The following TPTE2 variants were observed in gnomAD, a reference collection of about 807,000 sequenced individuals.
The protein encoded by TPTE2 is phosphatidylinositol 3,4,5-trisphosphate 3-phosphatase TPTE2.
Under a neutral mutation model 78.6 loss-of-function variants are expected in TPTE2, and 53 were observed. The observed-to-expected ratio is 0.67, with a 90% CI of 0.54 to 0.85. The LOEUF (loss-of-function observed/expected upper bound fraction) is 0.85, where lower values mean the gene tolerates loss of function less well. Ranked by LOEUF, TPTE2 falls within the 40% of genes least tolerant of loss-of-function variation. The probability of loss-of-function intolerance (pLI) is 0.00; values close to 1 mark genes in which losing one functional copy is unlikely to be tolerated. For synonymous variants in TPTE2, 175 were observed against 206.2 expected (o/e 0.85, Z 1.30); for missense variants, 461 against 623.0 (o/e 0.74, Z 2.77).
chr13:19,532,029 T>C (rs1187794258), intron 1 of TPTE2, among the ~76,000 whole-genome samples: 1 of 152,180 alleles, frequency 6.6e-6, no homozygotes, highest in Non-Finnish European at 1.5e-5. Context: ...GTATGGCATA[T>C]GGAGGCCAAA....
At chr13:19,471,038 T>A (rs1879581739) in intron 6 of TPTE2, among the ~76,000 whole-genome samples, 1 of 152,014 alleles carries the variant, frequency 6.6e-6, no homozygotes, top group Non-Finnish European at 1.5e-5. Flanking sequence ...GCCTCCTGAG[T>A]AGCTGGGACT....
chr13:19,453,007 TTTATG>T (rs754560800), intron 10 of TPTE2, among the ~76,000 whole-genome samples: 70,068 of 101,580 alleles, frequency 0.69, 20,959 homozygotes, highest in Non-Finnish European at 0.75. Flanking sequence ...TTTATTTTAT[TTTATG>T]TTATTTTATG....
chr13:19,459,691 G>T (rs1429272497), intron 10 of TPTE2, among the ~76,000 whole-genome samples: 4 of 152,248 alleles, frequency 2.6e-5, no homozygotes, highest in Admixed American at 2.6e-4. Flanking sequence ...TGCTGCAGTG[G>T]TTAAAGCCCC....
In TPTE2 at chr13:19,479,336, A is replaced by C. The variant is rs1323684246; in HGVS notation, c.179+3152T>G. Among the ~76,000 whole-genome samples the C allele has an allele frequency of 6.6e-5, 10 of 152,134 alleles. No homozygotes were observed. The East Asian group carries it at 1.7e-3, about 26-fold the overall frequency. ...TGCATTTCTTATCTTTCACAGGTAC[A>C]TCTCGATATTGATGGAAAAAATGGT... On this transcript the variant is annotated intron_variant, in intron 4 of 19. Coordinates refer to ENST00000400230, the Ensembl canonical transcript of TPTE2.
chr13:19,560,216 C>A, the TPTE2 span: 1 of 812,084 alleles, frequency 1.2e-6, no homozygotes, highest in South Asian at 1.6e-5. Flanking sequence ...AGCAGGGCCT[C>A]GTGCGGAGCT....
At chr13:19,459,607 G>C (rs1031849906) in intron 10 of TPTE2, among the ~76,000 whole-genome samples, 1 of 152,154 alleles carries the variant, frequency 6.6e-6, no homozygotes, top group East Asian at 1.9e-4. Context: ...TGACCAAACT[G>C]CAGAGATGGC....
In TPTE2 at chr13:19,527,278, A is replaced by G. The variant is rs1157388163; in HGVS notation, c.-44+9318T>C. On this transcript the variant is annotated intron_variant, in intron 1 of 17. Coordinates refer to the TPTE2 transcript ENST00000390680. ...GGGTGACTACAGTTAACAAAAATGTATTGTGTATTTCAAAATAGCTCTAAA... is the reference window on the plus strand; with the variant it reads ...GGGTGACTACAGTTAACAAAAATGTGTTGTGTATTTCAAAATAGCTCTAAA... Among the ~76,000 whole-genome samples, 3 of 152,322 alleles carry G rather than the reference A, an allele frequency of 2.0e-5. 1 individual carries two copies. The highest frequency in any genetic ancestry group is 1.9e-4 in the East Asian group (1 of 5,184).
At chr13:19,520,066 A>G (rs911815320) in intron 1 of TPTE2, among the ~76,000 whole-genome samples, 1 of 152,124 alleles carries the variant, frequency 6.6e-6, no homozygotes, top group African/African-American at 2.4e-5. Context: ...GTTTCTAAAT[A>G]TAACTAATTT....
chr13:19,427,079 C>T (rs149038324), intron 17 of TPTE2, among the ~76,000 whole-genome samples: 85 of 67,296 alleles, frequency 1.3e-3, no homozygotes, highest in Non-Finnish European at 1.3e-3. Flanking sequence ...CTTTTCTTTT[C>T]TTTTTTTTTT....
intron 10 of TPTE2, among the ~76,000 whole-genome samples, chr13:19,458,935 C>A (rs1878713632): frequency 6.6e-6 from 1 of 152,092 alleles, no homozygotes; most frequent in Non-Finnish European, 1.5e-5. Flanking sequence ...GGTATATACC[C>A]CATAATGGGA....
At chr13:19,499,173 C>G (rs369628861) in intron 1 of TPTE2, among the ~76,000 whole-genome samples, 2 of 152,062 alleles carry the variant, frequency 1.3e-5, no homozygotes, top group African/African-American at 2.4e-5. Flanking sequence ...CCTACAAAGA[C>G]ACTTAGACTC....
intron 14 of TPTE2, 26 bp downstream of exon 17, chr13:19,438,066 G>A: frequency 6.3e-7 from 1 of 1,596,300 alleles, no homozygotes; most frequent in Non-Finnish European, 8.5e-7. Flanking sequence ...CATCATAAGA[G>A]AAAGTTTGTA....
chr13:19,529,481 A>G (rs144562680), intron 1 of TPTE2, among the ~76,000 whole-genome samples: 2,834 of 152,296 alleles, frequency 0.019, 55 homozygotes, highest in Middle Eastern at 0.037. Flanking sequence ...TCTTATTTAA[A>G]TCTCTTGATT....
chr13:19,491,278 T>C (rs1372257610), intron 3 of TPTE2, among the ~76,000 whole-genome samples: 1 of 152,242 alleles, frequency 6.6e-6, no homozygotes. Flanking sequence ...AAGACAGTGC[T>C]GATGGAGTAA....
intron 13 of TPTE2, among the ~76,000 whole-genome samples, chr13:19,445,005 G>A (rs1035896602): frequency 6.6e-6 from 1 of 152,124 alleles, no homozygotes; most frequent in African/African-American, 2.4e-5. Context: ...CCTTCTCGAA[G>A]AAAATATAGT....
chr13:19,441,707 T>C (rs535707366), intron 13 of TPTE2, among the ~76,000 whole-genome samples: 26 of 152,292 alleles, frequency 1.7e-4, no homozygotes, highest in African/African-American at 6.0e-4. Context: ...ATCATATTAA[T>C]GACATAATAT....
upstream of TPTE2, among the ~76,000 whole-genome samples, chr13:19,538,369 C>G (rs913878847): frequency 6.6e-6 from 1 of 150,674 alleles, no homozygotes; most frequent in African/African-American, 2.4e-5. Context: ...TACAGGCGCC[C>G]GCCACCACCC....
At chr13:19,468,285 C>T (rs1401163504) in intron 6 of TPTE2, among the ~76,000 whole-genome samples, 1 of 151,966 alleles carries the variant, frequency 6.6e-6, no homozygotes, top group Non-Finnish European at 1.5e-5. Flanking sequence ...AGGTGATCTG[C>T]CCACCTCAGC....
chr13:19,561,295 C>G, the TPTE2 span: 8 of 968,072 alleles, frequency 8.3e-6, no homozygotes, highest in South Asian at 1.7e-4. Context: ...CCTCCTGCCC[C>G]AGCATGCCGA....
Sources: allele counts gnomAD v4.1 joint callset (sites outside exome capture counted in the v4.1 genomes callset), GRCh38; gene constraint gnomAD v4.1.1; transcripts MANE v1.5; gene names NCBI Gene and HGNC (gene_info 2026-07-23, HGNC 2026-07-21).